The following ANKRD30B variants were observed in gnomAD, a reference collection of about 807,000 sequenced individuals.
ANKRD30B encodes ankyrin repeat domain-containing protein 30B.
ANKRD30B carries 144 observed loss-of-function variants against 202.2 expected under a neutral mutation model. That is an observed-to-expected ratio of 0.71 (90% CI 0.62 to 0.82). The LOEUF is 0.82. Among genes scored for constraint, ANKRD30B ranks in the 40% least tolerant of loss-of-function variants. The pLI is 0.00. For missense variants in ANKRD30B, 1,487 were observed against 1,669.1 expected (o/e 0.89, Z 1.90); for synonymous variants, 508 against 561.3 (o/e 0.91, Z 1.34).
chr18:14,866,076 C>T, the ANKRD30B span, among the ~76,000 whole-genome samples: 1 of 152,030 alleles, frequency 6.6e-6, no homozygotes, highest in Non-Finnish European at 1.5e-5. Flanking sequence ...AAATAAAGTC[C>T]AATCAGAGAA....
chr18:14,883,427 CTATATA>C, the ANKRD30B span: 13 of 32,862 alleles, frequency 4.0e-4, no homozygotes, highest in Admixed American at 3.1e-3. Flanking sequence ...ATATATATAT[CTATATA>C]TATCTCCTGT....
the ANKRD30B span, among the ~76,000 whole-genome samples, chr18:14,898,297 G>T: frequency 2.0e-5 from 3 of 152,114 alleles, no homozygotes; most frequent in Non-Finnish European, 2.9e-5. Flanking sequence ...TGGCAGCCGG[G>T]GGGAGGTTCA....
Position 14,852,199 on chromosome 18 carries a change from G to C in ANKRD30B, c.4255G>C (p.Glu1419Gln), listed in dbSNP as rs762141882. ...ACACACTGAACAGCAGGAGTCTCTGGAGCAGAAATTATTTCAACTAGAAAG... is the reference window on the plus strand; with the variant it reads ...ACACACTGAACAGCAGGAGTCTCTGCAGCAGAAATTATTTCAACTAGAAAG... ...DKHTEQQESL[E>Q]QKLFQLESKN... Residue 1419 changes from glutamate to glutamine, a missense_variant, in exon 42 of 44, where the codon GAG (glutamate) becomes CAG (glutamine). Transcript: ENST00000690538. 2.5e-6 allele frequency: 4 copies of C among 1,592,340 alleles called. No individual in the cohort carries two copies. Among genetic ancestry groups the C allele is most frequent in the Middle Eastern group, 1.6e-4 (1 of 6,068 alleles).
chr18:14,920,732 T>C, the ANKRD30B span, among the ~76,000 whole-genome samples: 5 of 152,212 alleles, frequency 3.3e-5, no homozygotes, highest in Non-Finnish European at 7.3e-5. Flanking sequence ...ACACCACTTG[T>C]CCTCTTCAGG....
chr18:14,752,226 C>T (rs528387606), intron 1 of ANKRD30B, among the ~76,000 whole-genome samples: 2 of 152,190 alleles, frequency 1.3e-5, no homozygotes, highest in Admixed American at 1.3e-4. Flanking sequence ...ACAGTGATGT[C>T]CTGTGAGATA....
intron 13 of ANKRD30B, 47 bp downstream of exon 13, chr18:14,784,411 CT>C (rs764929619): frequency 4.3e-6 from 7 of 1,612,156 alleles, no homozygotes; most frequent in Non-Finnish European, 5.9e-6. Flanking sequence ...TAACTATGTA[CT>C]TTGTGAAGTA....
At chr18:14,934,736 A>G in the ANKRD30B span, among the ~76,000 whole-genome samples, 1 of 152,082 alleles carries the variant, frequency 6.6e-6, no homozygotes, top group Non-Finnish European at 1.5e-5. Flanking sequence ...GCAAGAAGGG[A>G]TCCGGAGCCA....
intron 8 of ANKRD30B, 76 bp from the exon 9 acceptor site, chr18:14,772,080 C>A: frequency 1.1e-6 from 1 of 898,454 alleles, no homozygotes; most frequent in Admixed American, 3.4e-5. Context: ...AGAGTGAGCA[C>A]CAAGATATGA....
At chr18:14,784,652 T>G (rs1333332180) in intron 14 of ANKRD30B, 117 bp downstream of exon 14, 2 of 1,164,302 alleles carry the variant, frequency 1.7e-6, no homozygotes, top group Non-Finnish European at 2.4e-6. Flanking sequence ...TTGATCTAGA[T>G]AATGCCAATA....
At chr18:14,894,689 A>G in the ANKRD30B span, among the ~76,000 whole-genome samples, 2 of 151,638 alleles carry the variant, frequency 1.3e-5, no homozygotes, top group East Asian at 3.9e-4. Flanking sequence ...AAATTTAAAT[A>G]CATTTTATGA....
At chr18:14,758,081 C>T in intron 5 of ANKRD30B, 129 bp downstream of exon 5, 1 of 987,372 alleles carries the variant, frequency 1.0e-6, no homozygotes, top group Non-Finnish European at 1.5e-6. Context: ...AGAAGGAGTA[C>T]TGGGTCCAGG....
At chr18:14,775,960 A>C (rs1346425531) in intron 9 of ANKRD30B, among the ~76,000 whole-genome samples, 3 of 152,248 alleles carry the variant, frequency 2.0e-5, no homozygotes, top group Non-Finnish European at 4.4e-5. Flanking sequence ...ATGTTTTAAC[A>C]AATGTGAAAA....
intron 22 of ANKRD30B, 141 bp downstream of exon 22, chr18:14,799,436 T>G (rs1969167943): frequency 1.1e-6 from 1 of 934,848 alleles, no homozygotes; most frequent in Non-Finnish European, 1.5e-6. Context: ...ACATTAGTAT[T>G]CATGTTTGAG....
At chr18:14,817,253 C>T (rs933253248) in intron 30 of ANKRD30B, among the ~76,000 whole-genome samples, 5 of 152,118 alleles carry the variant, frequency 3.3e-5, no homozygotes, top group Non-Finnish European at 7.4e-5. Context: ...AATTAAAATG[C>T]AAGGATTCAC....
the ANKRD30B span, among the ~76,000 whole-genome samples, chr18:14,908,675 G>A: frequency 7.9e-5 from 12 of 152,262 alleles, no homozygotes; most frequent in South Asian, 1.2e-3. Flanking sequence ...TTTAGCTCCC[G>A]TGTGGAGCCC....
At chr18:14,798,065 G>T (rs1350488703) in intron 20 of ANKRD30B, among the ~76,000 whole-genome samples, 1 of 152,254 alleles carries the variant, frequency 6.6e-6, no homozygotes. Context: ...GCCTCATGTG[G>T]ATATCTGTCC....
At chr18:14,860,176 G>A in the ANKRD30B span, among the ~76,000 whole-genome samples, 82 of 142,340 alleles carry the variant, frequency 5.8e-4, no homozygotes, top group African/African-American at 2.0e-3. Context: ...ATGCAGAGGC[G>A]CTCCTCACCT....
chr18:14,935,230 T>C, the ANKRD30B span, among the ~76,000 whole-genome samples: 2 of 152,172 alleles, frequency 1.3e-5, no homozygotes, highest in South Asian at 4.1e-4. Flanking sequence ...GAGGGGTATG[T>C]AAGAGCAGCC....
intron 1 of ANKRD30B, among the ~76,000 whole-genome samples, chr18:14,750,396 T>A (rs1344007560): frequency 6.6e-6 from 1 of 152,152 alleles, no homozygotes; most frequent in Non-Finnish European, 1.5e-5. Context: ...GTGTTCCTGG[T>A]TAGAGAAGGC....
Sources: gnomAD v4.1 joint callset for allele counts (sites outside exome capture counted in the v4.1 genomes callset) on GRCh38, gnomAD v4.1.1 for gene constraint, MANE v1.5 for transcripts, NCBI Gene and HGNC (gene_info 2026-07-23, HGNC 2026-07-21) for gene names.